MAMDC2: variants seen among roughly 807,000 people sequenced by gnomAD.
MAMDC2 encodes the protein MAM domain containing 2, also known as MAM domain-containing protein 2.
In MAMDC2, 57 loss-of-function variants were observed where a neutral mutation model predicts 89.8. The observed-to-expected ratio is 0.63, with a 90% CI of 0.51 to 0.79. MAMDC2 has a LOEUF of 0.79. Ranked by LOEUF, MAMDC2 falls within the 30% of genes least tolerant of loss-of-function variation. The pLI is 0.00. For synonymous variants in MAMDC2, 313 were observed against 293.4 expected (o/e 1.07, Z -0.68); for missense variants, 800 against 820.6 (o/e 0.97, Z 0.31).
At chr9:70,166,617 T>C (rs185856342) in intron 9 of MAMDC2, among the ~76,000 whole-genome samples, 1 of 152,310 alleles carries the variant, frequency 6.6e-6, no homozygotes, top group East Asian at 1.9e-4. Context: ...GTAGTTCATT[T>C]ATTTCTTCTA....
intron 11 of MAMDC2, among the ~76,000 whole-genome samples, chr9:70,176,696 A>G (rs1309632176): frequency 6.6e-6 from 1 of 152,188 alleles, no homozygotes; most frequent in East Asian, 1.9e-4. Context: ...TTTACCACTT[A>G]TATCTTTTTA....
intron 11 of MAMDC2, among the ~76,000 whole-genome samples, chr9:70,189,594 C>T (rs2032835086): frequency 6.6e-6 from 1 of 152,190 alleles, no homozygotes; most frequent in East Asian, 1.9e-4. Context: ...AGTTCTTTGA[C>T]TTTCTTGAAT....
At chr9:70,146,930 A>G (rs377702544) in intron 9 of MAMDC2, among the ~76,000 whole-genome samples, 2,170 of 139,434 alleles carry the variant, frequency 0.016, 30 homozygotes, top group South Asian at 0.02. Flanking sequence ...GCAAGACTCC[A>G]TCTAAAAATA....
intron 11 of MAMDC2, among the ~76,000 whole-genome samples, chr9:70,187,135 TTTTCAAAA>T (rs1219739568): frequency 6.6e-6 from 1 of 152,102 alleles, no homozygotes; most frequent in Non-Finnish European, 1.5e-5. Context: ...CTTTCAATAG[TTTTCAAAA>T]TTTCTTGATC....
At chr9:70,145,298 A>G (rs570052979) in intron 9 of MAMDC2, among the ~76,000 whole-genome samples, 3 of 152,316 alleles carry the variant, frequency 2.0e-5, no homozygotes, top group African/African-American at 4.8e-5. Flanking sequence ...TTCTGGTACC[A>G]TGTTTCTACC....
intron 2 of MAMDC2, among the ~76,000 whole-genome samples, chr9:70,047,813 G>T (rs1252324539): frequency 6.6e-6 from 1 of 152,176 alleles, no homozygotes; most frequent in Non-Finnish European, 1.5e-5. Context: ...GGAGGTAGTT[G>T]GAAAAGTCTC....
rs569777120 is a variant in MAMDC2 at position 70,129,262 on chromosome 9, A to C, written c.901-2257A>C. On this transcript the variant is annotated intron_variant, in intron 6 of 13. Transcript: ENST00000377182. ...GTGAATAAGTCTCATAAGATCTGAC[A>C]GTTTTATAAGGATGAGTTTCCCTGC... Among the ~76,000 whole-genome samples, 5 of 152,272 alleles carry C rather than the reference A, an allele frequency of 3.3e-5. No homozygotes were observed. The East Asian group carries it at 9.6e-4, about 29-fold the overall frequency.
intron 11 of MAMDC2, among the ~76,000 whole-genome samples, chr9:70,205,364 T>C (rs1219361852): frequency 6.6e-6 from 1 of 152,200 alleles, no homozygotes; most frequent in African/African-American, 2.4e-5. Context: ...CTTAAAAGTA[T>C]AGTAAAGAGA....
chr9:70,202,641 T>A (rs10868688), intron 11 of MAMDC2, among the ~76,000 whole-genome samples: 75,357 of 141,350 alleles, frequency 0.53, 23,115 homozygotes, highest in Non-Finnish European at 0.67. Flanking sequence ...ATCTGTCTAA[T>A]GTTGACAGTG....
At chr9:70,149,828 A>G (rs12686573) in intron 9 of MAMDC2, among the ~76,000 whole-genome samples, 10,463 of 152,224 alleles carry the variant, frequency 0.069, 565 homozygotes, top group East Asian at 0.22. Context: ...AATAAGAAAG[A>G]CCGTGTATTT....
chr9:70,182,835 T>C (rs535208798), intron 11 of MAMDC2, among the ~76,000 whole-genome samples: 2 of 152,356 alleles, frequency 1.3e-5, no homozygotes, highest in Admixed American at 6.5e-5. Context: ...GAAGGGACTT[T>C]CATGTCTCTA....
At chr9:70,045,620 G>A (rs1169684746) in intron 2 of MAMDC2, among the ~76,000 whole-genome samples, 1 of 152,136 alleles carries the variant, frequency 6.6e-6, no homozygotes, top group African/African-American at 2.4e-5. Context: ...GCTCCCTGGG[G>A]GAGGATGGAG....
chr9:70,116,894 C>T (rs974223281), intron 5 of MAMDC2, among the ~76,000 whole-genome samples: 2 of 152,104 alleles, frequency 1.3e-5, no homozygotes, highest in African/African-American at 4.8e-5. Context: ...CCCCTCCCAT[C>T]TCCCTCTCTC....
intron 11 of MAMDC2, among the ~76,000 whole-genome samples, chr9:70,185,513 C>A (rs1292517749): frequency 6.6e-6 from 1 of 152,200 alleles, no homozygotes; most frequent in Non-Finnish European, 1.5e-5. Flanking sequence ...CCCCTTCCCC[C>A]AGGGGCTCTG....
intron 2 of MAMDC2, among the ~76,000 whole-genome samples, chr9:70,090,981 T>C (rs764237664): frequency 7.9e-5 from 12 of 152,196 alleles, no homozygotes; most frequent in Non-Finnish European, 1.8e-4. Flanking sequence ...CTCCAAGATA[T>C]ATTCAGTGAA....
chr9:70,054,874 T>A (rs1391829713), intron 2 of MAMDC2, among the ~76,000 whole-genome samples: 2 of 152,104 alleles, frequency 1.3e-5, no homozygotes, highest in Non-Finnish European at 2.9e-5. Context: ...GAGCTTGGGC[T>A]GAATCTGTGG....
At chr9:70,060,235 A>G (rs1349420467) in intron 2 of MAMDC2, among the ~76,000 whole-genome samples, 1 of 152,184 alleles carries the variant, frequency 6.6e-6, no homozygotes, top group African/African-American at 2.4e-5. Flanking sequence ...TGTGCCCAAC[A>G]CAGTGTTTGG....
chr9:70,161,019 A>C (rs761475490), intron 9 of MAMDC2, among the ~76,000 whole-genome samples: 6 of 152,122 alleles, frequency 3.9e-5, no homozygotes, highest in Non-Finnish European at 7.4e-5. Flanking sequence ...AGGGATCAGG[A>C]AGGGGTGTAA....
chr9:70,071,351 A>AT (rs551683756), intron 2 of MAMDC2, among the ~76,000 whole-genome samples: 9 of 151,988 alleles, frequency 5.9e-5, no homozygotes, highest in Non-Finnish European at 8.8e-5. Context: ...AATTTACTCT[A>AT]TTTTTTTTCC....
Sources: gnomAD v4.1 joint callset for allele counts (sites outside exome capture counted in the v4.1 genomes callset) on GRCh38, gnomAD v4.1.1 for gene constraint, MANE v1.5 for transcripts, NCBI Gene and HGNC (gene_info 2026-07-23, HGNC 2026-07-21) for gene names.